The following PPL variants were observed in gnomAD, a reference collection of about 807,000 sequenced individuals.
The protein encoded by PPL is 190 kDa paraneoplastic pemphigus antigen.
Under a neutral mutation model 194.4 loss-of-function variants are expected in PPL, and 198 were observed. The observed-to-expected ratio is 1.02, with a 90% CI of 0.91 to 1.15. PPL has a LOEUF of 1.15. Ranked by LOEUF, PPL falls within the 50% of genes most tolerant of loss-of-function variation. The pLI, the probability that PPL is intolerant of heterozygous loss-of-function variation, is 0.00. For synonymous variants in PPL, 1,220 were observed against 972.4 expected (o/e 1.25, Z -4.74); for missense variants, 2,885 against 2,294.8 (o/e 1.26, Z -5.25).
chr16:4,894,190 G>C (rs143478194), intron 12 of PPL, among the ~76,000 whole-genome samples: 1 of 152,186 alleles, frequency 6.6e-6, no homozygotes, highest in Admixed American at 6.5e-5. Context: ...GCAAGTACAG[G>C]GAGCAGTGCG....
At chr16:4,906,375 C>A (rs1354779972) in intron 2 of PPL, among the ~76,000 whole-genome samples, 1 of 152,152 alleles carries the variant, frequency 6.6e-6, no homozygotes, top group Non-Finnish European at 1.5e-5. Flanking sequence ...CAGGCGCCCA[C>A]CACCATGCCT....
chr16:4,888,879 C>G (rs1286964843), intron 19 of PPL, 99 bp downstream of exon 19: 2 of 1,202,094 alleles, frequency 1.7e-6, no homozygotes. Context: ...CCAGCTCCAC[C>G]CCCATGTGCC....
chr16:4,885,630 C>T lies in PPL; in HGVS notation c.3025G>A (p.Glu1009Lys), dbSNP rs764989998. ...RIEPDRAQAD[E>K]VLQLREELEA... ...AGCTCCTCCCGCAGCTGCAAGACCT[C>T]ATCCGCCTGGGCCCTGTCAGGCTCG... The change falls in exon 22 of 22, where the codon GAG (glutamate) becomes AAG (lysine). Residue 1009 changes from glutamate (E) to lysine (K), a missense_variant. Physicochemically the swap from Glu to Lys is moderately conservative, Grantham distance 56 (BLOSUM62 1). Coordinates refer to ENST00000345988, the MANE Select transcript of PPL (RefSeq NM_002705.5). The surrounding 1 kb of genome is among the most constrained non-coding windows in gnomAD (Gnocchi z 6.3). 32 of 1,612,666 alleles carry T rather than the reference C, an allele frequency of 2.0e-5. No individual in the cohort carries two copies. Among genetic ancestry groups the T allele is most frequent in the South Asian group, 1.1e-4 (10 of 91,048 alleles).
intron 20 of PPL, 94 bp from the exon 21 acceptor site, chr16:4,887,321 G>A (rs1010489003): frequency 5.8e-5 from 56 of 967,312 alleles, no homozygotes; most frequent in Non-Finnish European, 8.9e-5. Context: ...TTCTTGAGAA[G>A]TGTGGAATTT....
chr16:4,889,143 C>T, intron 18 of PPL, 82 bp from the exon 19 acceptor site: 1 of 1,081,426 alleles, frequency 9.2e-7, no homozygotes, highest in Non-Finnish European at 1.4e-6. Flanking sequence ...CTGGAAATCT[C>T]AGAATCTGAA....
chr16:4,891,874 C>T lies in PPL; in HGVS notation c.1905G>A (p.Leu635=). ...WELLATHENH[L]NQDDTVPESS... ...TCTCAGGCACTGTGTCATCCTGATT[C>T]AGATGGTTCTCGTGTGTGGCCAGCA... is the stretch of plus-strand genomic sequence containing the variant. Residue 635 remains leucine (L), a synonymous_variant, in exon 16 of 22, where the codon CTG becomes CTA. Transcript: ENST00000345988. The T allele has an allele frequency of 1.9e-6, 3 of 1,613,630 alleles. No individual in the cohort carries two copies. The highest frequency in any genetic ancestry group is 2.5e-6 in the Non-Finnish European group (3 of 1,180,018).
chr16:4,895,148 C>T (rs2088398627), intron 11 of PPL, 113 bp downstream of exon 11: 2 of 1,332,688 alleles, frequency 1.5e-6, no homozygotes, highest in Admixed American at 5.8e-5. Flanking sequence ...CAGAGTGACA[C>T]CAACCACGGA....
At position 4,886,005 on chromosome 16, in the gene PPL, T is replaced by C; in HGVS notation, c.2650A>G (p.Arg884Gly). The C allele has an allele frequency of 6.2e-7, 1 of 1,613,988 alleles. No individual in the cohort carries two copies. Among genetic ancestry groups the C allele is most frequent in the Middle Eastern group, 1.6e-4 (1 of 6,062 alleles). ...EVTHETLQRN[R>G]PDSGVEEAWK... Reference sequence around the variant, plus strand: ...GCCTCCTCCACTCCAGAGTCCGGCCTATTCCTTTGCAGGGTCTCATGGGTC... The same window carrying C: ...GCCTCCTCCACTCCAGAGTCCGGCCCATTCCTTTGCAGGGTCTCATGGGTC... Residue 884 changes from arginine (R) to glycine (G), a missense_variant, in exon 22 of 22, where the codon AGG (arginine) becomes GGG (glycine). Coordinates refer to ENST00000345988, the MANE Select transcript of PPL (RefSeq NM_002705.5).
intron 20 of PPL, among the ~76,000 whole-genome samples, chr16:4,887,651 G>C (rs1208113684): frequency 3.9e-5 from 6 of 152,188 alleles, no homozygotes; most frequent in African/African-American, 1.4e-4. Flanking sequence ...CACTCAGACT[G>C]AAGTGCCATG....
rs190079282 is a variant in PPL at position 4,888,852 on chromosome 16, G to A, written c.2397+126C>T. 1.4e-4 allele frequency: 126 copies of A among 877,962 alleles called. No homozygotes were observed. In the African/African-American group the frequency reaches 1.6e-3, roughly 11 times the overall value. 54.4% of individuals were successfully genotyped at this position (877,962 alleles called of 1,614,324 possible). On this transcript the variant is annotated intron_variant, in intron 19 of 21. Coordinates refer to ENST00000345988, the MANE Select transcript of PPL (RefSeq NM_002705.5). Reference sequence around the variant, plus strand: ...GCCTGTGCCAGTTTGCACAGCAGCCGGCAGTGCCTCGGATGGCCAGCTCCA... The same window carrying A: ...GCCTGTGCCAGTTTGCACAGCAGCCAGCAGTGCCTCGGATGGCCAGCTCCA...
intron 1 of PPL, among the ~76,000 whole-genome samples, chr16:4,917,453 A>C (rs1210677903): frequency 6.6e-6 from 1 of 152,158 alleles, no homozygotes; most frequent in African/African-American, 2.4e-5. Flanking sequence ...AGAATGCAGA[A>C]ATCTACAGGA....
intron 1 of PPL, among the ~76,000 whole-genome samples, chr16:4,923,198 C>A (rs1323247510): frequency 6.6e-6 from 1 of 152,210 alleles, no homozygotes; most frequent in African/African-American, 2.4e-5. Context: ...CCCTGCTTCT[C>A]CCTCCACTGG....
intron 1 of PPL, among the ~76,000 whole-genome samples, chr16:4,934,050 A>G (rs2089260296): frequency 6.6e-6 from 1 of 152,222 alleles, no homozygotes; most frequent in South Asian, 2.1e-4. Context: ...AGAGAAGCCA[A>G]GCAGCTCCTC....
intron 8 of PPL, 55 bp from the exon 9 acceptor site, chr16:4,897,825 G>C: frequency 7.0e-7 from 1 of 1,425,566 alleles, no homozygotes; most frequent in Admixed American, 1.7e-5. Context: ...AGACACCAAG[G>C]GAGGGACTGC....
intron 1 of PPL, among the ~76,000 whole-genome samples, chr16:4,924,187 G>A (rs1345437375): frequency 2.0e-5 from 3 of 152,184 alleles, no homozygotes; most frequent in East Asian, 3.8e-4. Context: ...CGTGAAAAGA[G>A]TAAGAAGAAA....
chr16:4,904,077 G>A (rs750538636), intron 2 of PPL, 37 bp from the exon 3 acceptor site: 2 of 1,593,136 alleles, frequency 1.3e-6, no homozygotes, highest in Non-Finnish European at 1.7e-6. Context: ...ATGAACAGGA[G>A]CCGAGAGCGG....
rs774573901 is a variant in PPL, at chr16:4,885,074, T to C, written c.3581A>G (p.Glu1194Gly). 9 of 1,613,708 alleles carry C rather than the reference T, an allele frequency of 5.6e-6. No homozygotes were observed. The South Asian group carries it at 9.9e-5, about 18-fold the overall frequency. Residue 1194 changes from glutamate to glycine, a missense_variant, in exon 22 of 22, where the codon GAG (glutamate) becomes GGG (glycine). Transcript: ENST00000345988. This position sits in a 1 kb window ranked among gnomAD's most constrained non-coding sequence, Gnocchi z 6.3. ...GTACTTTCGCTCCTGCTCCACAAGC[T>C]CCAGGCGGAGGTTCGCCACTTCACT... ...AESEVANLRLELVEQERKYRG... is the reference protein window; with the variant it reads ...AESEVANLRLGLVEQERKYRG...
chr16:4,935,449 TGTGCAATGCCCCAG>T (rs1396861995), intron 1 of PPL, among the ~76,000 whole-genome samples: 1 of 152,038 alleles, frequency 6.6e-6, no homozygotes, highest in Non-Finnish European at 1.5e-5. Flanking sequence ...AGCATCCAAT[TGTGCAATGCCCCAG>T]GGAACAGTGC....
At chr16:4,926,570 C>T (rs2089157219) in intron 1 of PPL, among the ~76,000 whole-genome samples, 1 of 152,166 alleles carries the variant, frequency 6.6e-6, no homozygotes. Flanking sequence ...AAAAACACCC[C>T]AATGGGTATA....
Sources: gnomAD v4.1 joint callset for allele counts (sites outside exome capture counted in the v4.1 genomes callset) on GRCh38, gnomAD v4.1.1 for gene constraint, Gnocchi (gnomAD v3.1) non-coding constraint, MANE v1.5 for transcripts, NCBI Gene and HGNC (gene_info 2026-07-23, HGNC 2026-07-21) for gene names.